SRGAP3: variants seen among roughly 807,000 people sequenced by gnomAD.
SRGAP3 encodes SLIT-ROBO Rho GTPase activating protein 3.
Under a neutral mutation model 121.1 loss-of-function variants are expected in SRGAP3, and 39 were observed. That is an observed-to-expected ratio of 0.32 (90% CI 0.25 to 0.42). The LOEUF is 0.42. Among genes scored for constraint, SRGAP3 ranks in the 10% least tolerant of loss-of-function variants. SRGAP3 has a pLI of 1.00. For synonymous variants in SRGAP3, 601 were observed against 570.0 expected, an observed-to-expected ratio of 1.05 and a Z score of -0.77; for missense variants, 1,213 against 1,470.6, an observed-to-expected ratio of 0.82 and a Z score of 2.86.
chr3:9,188,022 T>C (rs1338256331), intron 1 of SRGAP3, among the ~76,000 whole-genome samples: 6 of 152,044 alleles, frequency 3.9e-5, no homozygotes, highest in African/African-American at 1.4e-4. Context: ...CATCCCAAAT[T>C]AGAAGGAAGT....
intron 1 of SRGAP3, among the ~76,000 whole-genome samples, chr3:9,137,301 T>A (rs1949701569): frequency 6.6e-6 from 1 of 152,096 alleles, no homozygotes; most frequent in African/African-American, 2.4e-5. Context: ...GAACAGAGAA[T>A]CAAAGCATAT....
At chr3:9,046,956 G>A (rs939183112) in intron 10 of SRGAP3, among the ~76,000 whole-genome samples, 2 of 151,472 alleles carry the variant, frequency 1.3e-5, no homozygotes, top group African/African-American at 2.4e-5. Context: ...TCAGCCTCCC[G>A]AGTAGCTGGG....
At chr3:9,107,433 C>T (rs977261850) in intron 2 of SRGAP3, among the ~76,000 whole-genome samples, 1 of 152,242 alleles carries the variant, frequency 6.6e-6, no homozygotes. Context: ...GTACCAGGCA[C>T]GCGGCCTCTT....
At chr3:9,221,309 T>C (rs1366028093) in intron 1 of SRGAP3, among the ~76,000 whole-genome samples, 1 of 152,244 alleles carries the variant, frequency 6.6e-6, no homozygotes, top group African/African-American at 2.4e-5. Flanking sequence ...GGCAGGAGGA[T>C]CACTTGAGGC....
At chr3:9,361,804 C>T (rs1439134849) in intron 1 of SRGAP3, among the ~76,000 whole-genome samples, 2 of 152,196 alleles carry the variant, frequency 1.3e-5, no homozygotes, top group Non-Finnish European at 2.9e-5. Flanking sequence ...AGATCACCCA[C>T]CATCCAGGGA....
chr3:9,060,201 GCTCAGTCCC>G (rs1946076543), intron 6 of SRGAP3, 21 bp downstream of exon 6: 5 of 1,613,380 alleles, frequency 3.1e-6, no homozygotes, highest in Non-Finnish European at 4.2e-6. Context: ...TGTGGGCCCT[GCTCAGTCCC>G]AGACTCCCCA....
At chr3:9,289,373 A>C (rs764903543) in intron 3 of SRGAP3, among the ~76,000 whole-genome samples, 41 of 152,240 alleles carry the variant, frequency 2.7e-4, no homozygotes, top group Admixed American at 1.3e-4. Context: ...GCTTCCCTGT[A>C]ATTTTTCACC....
At chr3:9,138,348 A>G (rs1949734995) in intron 1 of SRGAP3, among the ~76,000 whole-genome samples, 1 of 152,238 alleles carries the variant, frequency 6.6e-6, no homozygotes, top group African/African-American at 2.4e-5. Flanking sequence ...TGAACACAAA[A>G]TAATGTTATT....
In SRGAP3 at chr3:9,013,441, G is replaced by A; in HGVS notation, c.2014C>T (p.Pro672Ser). 2 of 1,613,928 alleles carry A rather than the reference G, an allele frequency of 1.2e-6. No homozygotes were observed. The highest frequency in any genetic ancestry group is 1.7e-6 in the Non-Finnish European group (2 of 1,179,858). The change falls in exon 17 of 22, where the codon CCT becomes TCT. Residue 672 changes from proline to serine, a missense_variant. Transcript: ENST00000383836. ...TTGATGTGTGCCTGGCAGGACACAG[G>A]GTCCTGCCCATCAGGGATGTGCATG... is the stretch of plus-strand genomic sequence containing the variant. ...TLMHIPDGQD[P>S]VSCQAHINEV... is the part of the protein sequence containing the mutation.
At chr3:9,243,972 G>A (rs1953738590) in intron 1 of SRGAP3, among the ~76,000 whole-genome samples, 1 of 152,176 alleles carries the variant, frequency 6.6e-6, no homozygotes, top group Non-Finnish European at 1.5e-5. Flanking sequence ...TTCCTGCCTA[G>A]GAAGAGCAGG....
chr3:9,200,814 G>A (rs935888330), intron 1 of SRGAP3, among the ~76,000 whole-genome samples: 5 of 152,200 alleles, frequency 3.3e-5, no homozygotes, highest in Admixed American at 2.0e-4. Context: ...ATTGAATCCC[G>A]TGGTGGGGCC....
chr3:9,333,500 T>C (rs1400394693), intron 1 of SRGAP3, among the ~76,000 whole-genome samples: 1 of 152,198 alleles, frequency 6.6e-6, no homozygotes, highest in East Asian at 1.9e-4. Flanking sequence ...TCTTGAACCT[T>C]ACTCCGCTCC....
intron 17 of SRGAP3, among the ~76,000 whole-genome samples, chr3:9,010,985 C>T (rs1444723871): frequency 6.6e-6 from 1 of 152,150 alleles, no homozygotes; most frequent in Non-Finnish European, 1.5e-5. Context: ...CCAGCTACTA[C>T]CCCCTCACTA....
At chr3:9,238,685 G>A (rs1953508930) in intron 1 of SRGAP3, among the ~76,000 whole-genome samples, 1 of 152,202 alleles carries the variant, frequency 6.6e-6, no homozygotes, top group African/African-American at 2.4e-5. Context: ...AGAGTGGAGA[G>A]AAGCCGGATC....
At chr3:9,051,710 C>CTTTTT (rs36044423) in intron 9 of SRGAP3, among the ~76,000 whole-genome samples, 11 of 103,104 alleles carry the variant, frequency 1.1e-4, no homozygotes, top group Non-Finnish European at 1.7e-4. Flanking sequence ...TTGCTCAATT[C>CTTTTT]TTTTTTTTTT....
intron 18 of SRGAP3, among the ~76,000 whole-genome samples, chr3:8,998,137 C>T (rs1420661827): frequency 1.3e-5 from 2 of 152,198 alleles, no homozygotes; most frequent in Admixed American, 1.3e-4. Flanking sequence ...GATCCTCCTG[C>T]CTTGGCCTCC....
intron 3 of SRGAP3, among the ~76,000 whole-genome samples, chr3:9,282,009 A>G (rs1954689149): frequency 6.6e-6 from 1 of 152,242 alleles, no homozygotes; most frequent in Admixed American, 6.5e-5. Context: ...TGACTTCTGC[A>G]CAATACAGAA....
intron 2 of SRGAP3, among the ~76,000 whole-genome samples, chr3:9,121,100 C>T (rs1293422129): frequency 6.6e-6 from 1 of 152,154 alleles, no homozygotes. Flanking sequence ...ATCTCTGAGG[C>T]AAATCTCTCA....
intron 3 of SRGAP3, among the ~76,000 whole-genome samples, chr3:9,279,509 ATTTT>A (rs34338068): frequency 1.7e-3 from 206 of 117,946 alleles, no homozygotes; most frequent in East Asian, 3.6e-3. Context: ...GAATACCCTG[ATTTT>A]TTTTTTTTTT....
Sources: allele counts gnomAD v4.1 joint callset (sites outside exome capture counted in the v4.1 genomes callset), GRCh38; gene constraint gnomAD v4.1.1; transcripts MANE v1.5; gene names NCBI Gene and HGNC (gene_info 2026-07-23, HGNC 2026-07-21).